Variants in GALNT13 observed in about 807,000 individuals in gnomAD.
GALNT13 encodes UDP-GalNAc:polypeptide N-acetylgalactosaminyltransferase 13.
GALNT13 carries 28 observed loss-of-function variants against 64.2 expected under a neutral mutation model. That is an observed-to-expected ratio of 0.44 (90% CI 0.32 to 0.60). The LOEUF (loss-of-function observed/expected upper bound fraction) is 0.60, where lower values mean the gene tolerates loss of function less well. Among genes scored for constraint, GALNT13 ranks in the 20% least tolerant of loss-of-function variants. GALNT13 has a pLI of 0.05. For missense variants in GALNT13, 577 were observed against 669.8 expected (o/e 0.86, Z 1.53); for synonymous variants, 214 against 224.6 (o/e 0.95, Z 0.42).
the GALNT13 span, among the ~76,000 whole-genome samples, chr2:153,524,623 G>A: frequency 6.6e-6 from 1 of 152,156 alleles, no homozygotes; most frequent in South Asian, 2.1e-4. Flanking sequence ...TTTGTGAGCA[G>A]TGCAGTCCTG....
At chr2:154,314,764 C>A (rs1694238292) in intron 9 of GALNT13, among the ~76,000 whole-genome samples, 1 of 152,146 alleles carries the variant, frequency 6.6e-6, no homozygotes, top group African/African-American at 2.4e-5. Context: ...CCAAGCCATT[C>A]ATGAGGGACA....
At chr2:154,267,656 A>G (rs1451194938) in intron 8 of GALNT13, among the ~76,000 whole-genome samples, 2 of 152,176 alleles carry the variant, frequency 1.3e-5, no homozygotes, top group Non-Finnish European at 2.9e-5. Context: ...AAACAAACAA[A>G]CAAAAAAACT....
At chr2:153,969,467 A>C (rs982728320) in intron 3 of GALNT13, among the ~76,000 whole-genome samples, 13 of 152,112 alleles carry the variant, frequency 8.5e-5, no homozygotes, top group Admixed American at 2.6e-4. Flanking sequence ...TAGAAGAAGA[A>C]TATAAAAGAA....
intron 3 of GALNT13, among the ~76,000 whole-genome samples, chr2:153,960,292 C>T (rs943287142): frequency 2.6e-5 from 4 of 152,180 alleles, no homozygotes; most frequent in African/African-American, 2.4e-5. Flanking sequence ...CTGTCTTTGC[C>T]CCATGTTGGG....
the GALNT13 span, among the ~76,000 whole-genome samples, chr2:153,082,010 T>C: frequency 1.3e-5 from 2 of 152,214 alleles, no homozygotes; most frequent in Non-Finnish European, 2.9e-5. Flanking sequence ...GTTTCCCTTT[T>C]CTCCACATTT....
the GALNT13 span, among the ~76,000 whole-genome samples, chr2:153,285,526 C>G: frequency 6.6e-6 from 1 of 151,962 alleles, no homozygotes; most frequent in Non-Finnish European, 1.5e-5. Context: ...ATTAACAGGT[C>G]AGAGTAGAAG....
the GALNT13 span, among the ~76,000 whole-genome samples, chr2:153,727,474 T>C: frequency 0.14 from 22,040 of 152,152 alleles, 2,652 homozygotes; most frequent in African/African-American, 0.32. Flanking sequence ...TCTGTTAGAA[T>C]TGGAATGAAG....
intron 4 of GALNT13, among the ~76,000 whole-genome samples, chr2:154,223,448 CTTTTTTTT>C (rs61230257): frequency 8.0e-6 from 1 of 124,308 alleles, no homozygotes; most frequent in African/African-American, 3.1e-5. Context: ...TTTTCTTTTT[CTTTTTTTT>C]TTTTTTTTTT....
chr2:153,699,092 T>C, the GALNT13 span, among the ~76,000 whole-genome samples: 1 of 151,958 alleles, frequency 6.6e-6, no homozygotes, highest in East Asian at 1.9e-4. Flanking sequence ...GTCATGGAGG[T>C]GTGTGCCTGT....
At chr2:153,213,332 T>A in the GALNT13 span, among the ~76,000 whole-genome samples, 3 of 152,178 alleles carry the variant, frequency 2.0e-5, no homozygotes, top group Admixed American at 6.5e-5. Flanking sequence ...TCTGTCAATC[T>A]CATGAAGAGC....
the GALNT13 span, among the ~76,000 whole-genome samples, chr2:153,689,737 T>C: frequency 6.6e-6 from 1 of 152,140 alleles, no homozygotes; most frequent in Non-Finnish European, 1.5e-5. Context: ...ATGTGGTTTT[T>C]CCCTGACTCT....
the GALNT13 span, among the ~76,000 whole-genome samples, chr2:153,555,096 T>C: frequency 6.6e-6 from 1 of 152,148 alleles, no homozygotes; most frequent in Admixed American, 6.5e-5. Context: ...TTCTATAACT[T>C]GTATGAGTGG....
At chr2:153,957,973 G>T (rs1692691103) in intron 3 of GALNT13, among the ~76,000 whole-genome samples, 1 of 152,082 alleles carries the variant, frequency 6.6e-6, no homozygotes, top group Non-Finnish European at 1.5e-5. Flanking sequence ...GTTTTTCCTT[G>T]TGTAAAGCCA....
chr2:153,358,511 A>G, the GALNT13 span, among the ~76,000 whole-genome samples: 2 of 152,202 alleles, frequency 1.3e-5, no homozygotes, highest in South Asian at 2.1e-4. Context: ...AGAATTTTGT[A>G]TGCTAGTGAG....
chr2:154,180,849 A>T (rs1685922837), intron 4 of GALNT13, among the ~76,000 whole-genome samples: 1 of 152,166 alleles, frequency 6.6e-6, no homozygotes, highest in African/African-American at 2.4e-5. Context: ...TAGTGATAAA[A>T]CAAGTGTTAA....
the GALNT13 span, among the ~76,000 whole-genome samples, chr2:153,535,371 GA>G: frequency 2.0e-5 from 3 of 152,076 alleles, no homozygotes; most frequent in Non-Finnish European, 4.4e-5. Flanking sequence ...CAAGAGTTAA[GA>G]GTGGCAGTTT....
chr2:153,122,216 C>A, the GALNT13 span, among the ~76,000 whole-genome samples: 6 of 151,786 alleles, frequency 4.0e-5, no homozygotes, highest in South Asian at 2.1e-4. Flanking sequence ...TACTGTAGCA[C>A]CCCTTGTACC....
chr2:153,557,301 C>A, the GALNT13 span, among the ~76,000 whole-genome samples: 1 of 152,290 alleles, frequency 6.6e-6, no homozygotes, highest in Non-Finnish European at 1.5e-5. Context: ...TTAGGCTATG[C>A]CATCTAAGTT....
chr2:153,668,871 G>T, the GALNT13 span, among the ~76,000 whole-genome samples: 2 of 152,178 alleles, frequency 1.3e-5, no homozygotes. Flanking sequence ...ATCTACAGGG[G>T]AGCATGGCCA....
Sources: gnomAD v4.1 joint callset for allele counts (sites outside exome capture counted in the v4.1 genomes callset) on GRCh38, gnomAD v4.1.1 for gene constraint, MANE v1.5 for transcripts, NCBI Gene and HGNC (gene_info 2026-07-23, HGNC 2026-07-21) for gene names.